Variants in ZNF841 observed in about 807,000 individuals in gnomAD.
The protein encoded by ZNF841 is TCONS_00006091.
A neutral mutation model predicts 13.0 loss-of-function variants in ZNF841; 11 were observed. That is an observed-to-expected ratio of 0.85 (90% CI 0.53 to 1.40). ZNF841 has a LOEUF of 1.40. ZNF841 is among the 40% of genes most tolerant of loss of function. The pLI is 0.00. For synonymous variants in ZNF841, 369 were observed against 381.6 expected (o/e 0.97, Z 0.38); for missense variants, 1,068 against 1,139.5 (o/e 0.94, Z 0.90).
At chr19:52,064,295 G>A (rs1256396728), downstream of ZNF841, among the ~76,000 whole-genome samples, 28 of 137,112 alleles carry the variant, frequency 2.0e-4, no homozygotes, top group African/African-American at 6.3e-4. Flanking sequence ...GCAGTGAGCC[G>A]AGATTGCGCC....
intron 4 of ZNF841, among the ~76,000 whole-genome samples, chr19:52,078,950 A>G (rs2123303109): frequency 6.6e-6 from 1 of 152,294 alleles, no homozygotes; most frequent in South Asian, 2.1e-4. Flanking sequence ...TCTCTCAATG[A>G]CATATTTTTT....
chr19:52,077,115 A>T, intron 4 of ZNF841, 31 bp from the exon 5 acceptor site: 9 of 1,588,472 alleles, frequency 5.7e-6, no homozygotes, highest in Non-Finnish European at 7.7e-6. Flanking sequence ...CAATATGAGC[A>T]GTGGGTGAGC....
rs1186490183 is a variant in ZNF841, at chr19:52,067,512, A to G, written c.370T>C (p.Tyr124His). The change falls in exon 7 of 7, where the codon TAT becomes CAT. Residue 124 changes from tyrosine to histidine, a missense_variant. Coordinates refer to ENST00000594440, the MANE Select transcript of ZNF841 (RefSeq NM_001136499.2). Reference protein sequence around the residue: ...QAVMLEGHESYDTENFYFREI... With the variant: ...QAVMLEGHESHDTENFYFREI... ...CTGAAGTAAAAATTTTCAGTGTCAT[A>G]GCTTTCATGTCCTTCCAACATCACT... The G allele has an allele frequency of 3.1e-6, 5 of 1,595,200 alleles. No homozygotes were observed. Among genetic ancestry groups the G allele is most frequent in the Middle Eastern group, 1.7e-4 (1 of 6,052 alleles).
At chr19:52,089,811 C>T (rs2088412644) in intron 2 of ZNF841, among the ~76,000 whole-genome samples, 1 of 152,170 alleles carries the variant, frequency 6.6e-6, no homozygotes, top group Non-Finnish European at 1.5e-5. Flanking sequence ...TCTGAAGGCC[C>T]ACCCTTGCTT....
chr19:52,066,128 G>A lies in ZNF841; in HGVS notation c.1754C>T (p.Ala585Val). The change falls in exon 7 of 7, where the codon GCA becomes GTA. Residue 585 changes from alanine to valine, a missense_variant. Transcript: ENST00000594440. The stretch of plus-strand genomic sequence containing the variant: ...TCCGGTATGCATTCTTTGATGACGT[G>A]CTAGGCATGAATAGTAAGTGAAGAC... ...GMVFTYYSCLARHQRMHTGEK... is the reference protein window; with the variant it reads ...GMVFTYYSCLVRHQRMHTGEK... 6.2e-7 allele frequency: 1 copy of A among 1,614,050 alleles called. No individual in the cohort carries two copies. The highest frequency in any genetic ancestry group is 8.5e-7 in the Non-Finnish European group (1 of 1,179,976).
Position 52,066,460 on chromosome 19 carries a change from C to G in ZNF841, c.1422G>C (p.Gly474=), listed in dbSNP as rs1326184523. 3.1e-6 allele frequency: 5 copies of G among 1,611,588 alleles called. No homozygotes were observed. The South Asian group carries it at 5.5e-5, about 18-fold the overall frequency. The change falls in exon 7 of 7, where the codon GGG becomes GGC. Residue 474 remains glycine, a synonymous_variant. Coordinates refer to ENST00000594440, the MANE Select transcript of ZNF841 (RefSeq NM_001136499.2). ...TCTCTCCAGTATGAATTCTCCGGTG[C>G]CCTGCAAGACGTGAACGTTGAAAGA... is the stretch of plus-strand genomic sequence containing the variant. The part of the protein sequence containing the change: ...KVFFQRSRLA[G]HRRIHTGEKP...
Position 52,066,180 on chromosome 19 carries a change from G to A in ZNF841, c.1702C>T (p.Pro568Ser), listed in dbSNP as rs2123209472. The A allele has an allele frequency of 6.2e-7, 1 of 1,613,710 alleles. No homozygotes were observed. Among genetic ancestry groups the A allele is most frequent in the East Asian group, 2.2e-5 (1 of 44,878 alleles). ...ATGCCACATTTATTACAATGGAGAG[G>A]TTTCTCTCCAGTATGACATCTCATA... is the stretch of plus-strand genomic sequence containing the variant. ...VHMRCHTGEK[P>S]LHCNKCGMVF... The change falls in exon 7 of 7, where the codon CCT becomes TCT. Residue 568 changes from proline to serine, a missense_variant. Transcript: ENST00000594440.
intron 4 of ZNF841, among the ~76,000 whole-genome samples, chr19:52,080,386 C>T (rs1356685609): frequency 6.6e-6 from 1 of 152,244 alleles, no homozygotes; most frequent in South Asian, 2.1e-4. Flanking sequence ...TATAGAAGCT[C>T]TGAAGGAAAA....
chr19:52,088,731 T>G (rs1485719397), intron 3 of ZNF841, among the ~76,000 whole-genome samples: 1 of 152,226 alleles, frequency 6.6e-6, no homozygotes, highest in Admixed American at 6.5e-5. Flanking sequence ...CCATGTGAAC[T>G]GTTAATCTCT....
chr19:52,093,624 A>G (rs1420755058), intron 2 of ZNF841, among the ~76,000 whole-genome samples: 1 of 152,220 alleles, frequency 6.6e-6, no homozygotes, highest in African/African-American at 2.4e-5. Context: ...GTAAAAGTTC[A>G]AAAAATGATG....
At chr19:52,076,204 C>T (rs1377408381) in intron 5 of ZNF841, 32 bp from the exon 6 acceptor site, 7 of 1,545,896 alleles carry the variant, frequency 4.5e-6, no homozygotes, top group East Asian at 4.9e-5. Flanking sequence ...AGATGTCCCA[C>T]GGTTTTTCCA....
In ZNF841 at chr19:52,067,098, T is replaced by G. The variant is rs749107366; in HGVS notation, c.784A>C (p.Ile262Leu). ...AAGGCTTTGCCACACTCATTACCTA[T>G]GTAAGGTTTTTCCCTAATATGTGTT... ...EKTHIREKPY[I>L]GNECGKAFRV... The change falls in exon 7 of 7, where the codon ATA (isoleucine) becomes CTA (leucine). Residue 262 changes from isoleucine to leucine, a missense_variant. Ile to Leu is a conservative substitution (Grantham distance 5, BLOSUM62 2). Coordinates refer to ENST00000594440, the MANE Select transcript of ZNF841 (RefSeq NM_001136499.2). 6.3e-7 allele frequency: 1 copy of G among 1,592,124 alleles called. No individual in the cohort carries two copies. Among genetic ancestry groups the G allele is most frequent in the Non-Finnish European group, 8.6e-7 (1 of 1,167,728 alleles).
intron 2 of ZNF841, among the ~76,000 whole-genome samples, chr19:52,090,256 G>A (rs2088426479): frequency 6.6e-6 from 1 of 152,166 alleles, no homozygotes; most frequent in Non-Finnish European, 1.5e-5. Flanking sequence ...AAGCTCTTAA[G>A]ACACTGATAA....
At chr19:52,058,709 A>C in the ZNF841 span, 1 of 153,138 alleles carries the variant, frequency 6.5e-6, no homozygotes. Flanking sequence ...ATTAATGTTT[A>C]TAAGACTATA....
At chr19:52,069,223 C>T (rs879366100) in intron 6 of ZNF841, among the ~76,000 whole-genome samples, 1 of 152,110 alleles carries the variant, frequency 6.6e-6, no homozygotes, top group African/African-American at 2.4e-5. Context: ...CAGATGCATG[C>T]CATCATGCCC....
intron 4 of ZNF841, 75 bp downstream of exon 4, chr19:52,084,712 G>A: frequency 6.5e-7 from 1 of 1,539,994 alleles, no homozygotes; most frequent in Non-Finnish European, 8.9e-7. Flanking sequence ...CAGACTCAGA[G>A]AAGATTTGCA....
chr19:52,083,816 A>C (rs1024806602), intron 4 of ZNF841, among the ~76,000 whole-genome samples: 1 of 133,246 alleles, frequency 7.5e-6, no homozygotes, highest in Non-Finnish European at 1.5e-5. Flanking sequence ...TCTCATAGTT[A>C]CCTTTTTTTT....
rs2087601114 is a variant in ZNF841, at chr19:52,067,120, T to C, written c.762A>G (p.Thr254=). 1 of 1,571,604 alleles carries C rather than the reference T, an allele frequency of 6.4e-7. No homozygotes were observed. Among genetic ancestry groups the C allele is most frequent in the Non-Finnish European group, 8.6e-7 (1 of 1,156,714 alleles). Residue 254 remains threonine (T), a synonymous_variant, in exon 7 of 7, where the codon ACA becomes ACG. Coordinates refer to ENST00000594440, the MANE Select transcript of ZNF841 (RefSeq NM_001136499.2). ...QLSLPTQDEK[T]HIREKPYIGN... is the part of the protein sequence containing the mutation. ...CTATGTAAGGTTTTTCCCTAATATG[T>C]GTTTTCTCGTCTTGTGTAGGTAACG...
chr19:52,074,336 C>A (rs1299555753), intron 6 of ZNF841, among the ~76,000 whole-genome samples: 22 of 152,242 alleles, frequency 1.4e-4, no homozygotes, highest in African/African-American at 5.3e-4. Context: ...GCAATGGTTG[C>A]TTAAAACGAA....
Sources: allele counts gnomAD v4.1 joint callset (sites outside exome capture counted in the v4.1 genomes callset), GRCh38; gene constraint gnomAD v4.1.1; transcripts MANE v1.5; gene names NCBI Gene and HGNC (gene_info 2026-07-23, HGNC 2026-07-21).